ETS1: variants seen among roughly 807,000 people sequenced by gnomAD.
ETS1 encodes the protein protein C-ets-1.
A neutral mutation model predicts 58.6 loss-of-function variants in ETS1; 15 were observed. The observed-to-expected ratio is 0.26, with a 90% confidence interval of 0.17 to 0.39. ETS1 has a LOEUF of 0.39. Among genes scored for constraint, ETS1 ranks in the 10% least tolerant of loss-of-function variants. The pLI is 1.00. For synonymous variants in ETS1, 214 were observed against 218.2 expected (o/e 0.98, Z 0.17); for missense variants, 417 against 610.5 (o/e 0.68, Z 3.34).
intron 8 of ETS1, among the ~76,000 whole-genome samples, chr11:128,472,359 G>A (rs1304157755): frequency 6.6e-6 from 1 of 152,186 alleles, no homozygotes; most frequent in African/African-American, 2.4e-5. Context: ...TTATCTCTCA[G>A]GGAGAGGTGA....
At chr11:128,554,455 T>C in intron 3 of ETS1, among the ~76,000 whole-genome samples, 1 of 152,148 alleles carries the variant, frequency 6.6e-6, no homozygotes, top group East Asian at 1.9e-4. Context: ...TATAAGTCCT[T>C]GCATTTTAAA....
chr11:128,490,935 G>A (rs1376648335), intron 3 of ETS1, among the ~76,000 whole-genome samples: 3 of 151,814 alleles, frequency 2.0e-5, no homozygotes, highest in Non-Finnish European at 4.4e-5. Flanking sequence ...GGCCAGGCTG[G>A]TCTCGAGCTC....
chr11:128,529,067 T>G (rs1863852989), intron 3 of ETS1: 1 of 152,250 alleles, frequency 6.6e-6, no homozygotes, highest in South Asian at 2.1e-4. Context: ...AATCTTTTAT[T>G]TCACTGGCTT....
intron 3 of ETS1, among the ~76,000 whole-genome samples, chr11:128,542,696 G>T (rs1363282606): frequency 1.3e-5 from 2 of 152,154 alleles, no homozygotes; most frequent in African/African-American, 4.8e-5. Context: ...CCCTCCACTA[G>T]CTACAGAGTT....
At chr11:128,537,082 T>C (rs1037490245) in intron 3 of ETS1, among the ~76,000 whole-genome samples, 5 of 152,128 alleles carry the variant, frequency 3.3e-5, no homozygotes, top group Admixed American at 3.3e-4. Context: ...CTCCAATGTT[T>C]TGCACAACTT....
At chr11:128,527,586 T>C (rs1177579030) in intron 3 of ETS1, among the ~76,000 whole-genome samples, 1 of 152,234 alleles carries the variant, frequency 6.6e-6, no homozygotes, top group Non-Finnish European at 1.5e-5. Flanking sequence ...ATTTAAATTG[T>C]CCTGAATTGG....
chr11:128,520,522 A>G, intron 3 of ETS1, among the ~76,000 whole-genome samples: 1 of 152,222 alleles, frequency 6.6e-6, no homozygotes, highest in East Asian at 1.9e-4. Flanking sequence ...GACAAACAGA[A>G]CTCATTCTAG....
intron 7 of ETS1, among the ~76,000 whole-genome samples, chr11:128,483,442 G>A (rs946914220): frequency 5.3e-5 from 8 of 152,122 alleles, no homozygotes; most frequent in African/African-American, 1.9e-4. Flanking sequence ...GAAGAAAGTC[G>A]TTTTAATGCT....
intron 8 of ETS1, 71 bp downstream of exon 8, chr11:128,480,120 G>T: frequency 6.3e-7 from 1 of 1,580,326 alleles, no homozygotes; most frequent in South Asian, 1.1e-5. Context: ...CAGAGGTGCA[G>T]AGTGCCTTCC....
chr11:128,507,256 G>A (rs1231275732), intron 3 of ETS1, among the ~76,000 whole-genome samples: 2 of 152,176 alleles, frequency 1.3e-5, no homozygotes, highest in Non-Finnish European at 2.9e-5. Context: ...ATAAAGGCAG[G>A]GACGGAGGGA....
chr11:128,538,698 G>A (rs1864007117), intron 3 of ETS1, among the ~76,000 whole-genome samples: 2 of 151,766 alleles, frequency 1.3e-5, no homozygotes, highest in South Asian at 2.1e-4. Flanking sequence ...TAAAAGTGAA[G>A]AATGAATACT....
At chr11:128,522,351 C>T in intron 3 of ETS1, 1 of 1,014,554 alleles carries the variant, frequency 9.9e-7, no homozygotes, top group Non-Finnish European at 1.2e-6. Context: ...GCGCTCTCCC[C>T]TCCTCTTTAG....
chr11:128,520,900 T>C (rs1380233501), intron 3 of ETS1, among the ~76,000 whole-genome samples: 1 of 152,346 alleles, frequency 6.6e-6, no homozygotes, highest in African/African-American at 2.4e-5. Flanking sequence ...AACTTATTGA[T>C]AATCAGATAC....
At chr11:128,507,776 C>T (rs975141465) in intron 3 of ETS1, among the ~76,000 whole-genome samples, 4 of 152,126 alleles carry the variant, frequency 2.6e-5, no homozygotes, top group African/African-American at 7.2e-5. Context: ...TGGACCTTCC[C>T]GGCAGCAGCC....
intron 3 of ETS1, among the ~76,000 whole-genome samples, chr11:128,553,265 G>T (rs1176413993): frequency 6.6e-6 from 1 of 152,214 alleles, no homozygotes; most frequent in East Asian, 1.9e-4. Context: ...GAAAGAAAAT[G>T]ATGACTACAA....
At chr11:128,476,905 A>T (rs1862338740) in intron 8 of ETS1, among the ~76,000 whole-genome samples, 1 of 152,250 alleles carries the variant, frequency 6.6e-6, no homozygotes, top group Non-Finnish European at 1.5e-5. Context: ...CTTTCAAGCC[A>T]CGTTATCTGC....
rs114796824 is a variant in ETS1, at chr11:128,555,822, A to C, written c.214+469T>G. 1.9e-3 allele frequency among the ~76,000 whole-genome samples: 291 copies of C among 152,356 alleles called. 3 individuals are homozygous for C. Among genetic ancestry groups the C allele is most frequent in the African/African-American group, 6.5e-3 (272 of 41,574 alleles). Reference sequence around the variant, plus strand: ...AGCACTGCCACCAGCAAGTGGAAGGAGAGAAGGGAGAGAGAGACAGAGGAA... The same window carrying C: ...AGCACTGCCACCAGCAAGTGGAAGGCGAGAAGGGAGAGAGAGACAGAGGAA... On this transcript the variant is annotated intron_variant, in intron 3 of 9. Transcript: ENST00000392668.
At chr11:128,540,082 C>T (rs1363027515) in intron 3 of ETS1, among the ~76,000 whole-genome samples, 2 of 152,072 alleles carry the variant, frequency 1.3e-5, no homozygotes, top group African/African-American at 4.8e-5. Context: ...GAGGCCAAGG[C>T]GGGCGGATCA....
intron 2 of ETS1, among the ~76,000 whole-genome samples, chr11:128,568,480 GAC>G (rs1486617400): frequency 6.6e-6 from 1 of 152,164 alleles, no homozygotes; most frequent in Non-Finnish European, 1.5e-5. Context: ...AAGGGTCCCT[GAC>G]ACACAGCCCA....
Sources: gnomAD v4.1 joint callset for allele counts (sites outside exome capture counted in the v4.1 genomes callset) on GRCh38, gnomAD v4.1.1 for gene constraint, MANE v1.5 for transcripts, NCBI Gene and HGNC (gene_info 2026-07-23, HGNC 2026-07-21) for gene names.